The following NOTCH2 variants were observed in gnomAD, a reference collection of about 807,000 sequenced individuals.
NOTCH2 encodes the protein neurogenic locus notch homolog protein 2.
Under a neutral mutation model 235.8 loss-of-function variants are expected in NOTCH2, and 29 were observed. The ratio of observed to expected loss-of-function variants is 0.12; its 90% CI spans 0.09 to 0.17. NOTCH2 has a LOEUF of 0.17. NOTCH2 is among the 10% of genes least tolerant of loss of function. The pLI is 1.00. For missense variants in NOTCH2, 2,285 were observed against 3,150.2 expected (o/e 0.73, Z 6.57); for synonymous variants, 1,086 against 1,141.5 (o/e 0.95, Z 0.98).
Position 119,922,115 on chromosome 1 carries a change from T to G in NOTCH2, c.5213+121A>C, listed in dbSNP as rs1023695885. ...TCAGTCACTCACAAGGCATTTAGAATCATGGTCAATGTGAGTAAATGCCCA... is the reference window on the plus strand; with the variant it reads ...TCAGTCACTCACAAGGCATTTAGAAGCATGGTCAATGTGAGTAAATGCCCA... On this transcript the variant is annotated intron_variant, in intron 28 of 33. Coordinates refer to ENST00000256646, the MANE Select transcript of NOTCH2 (RefSeq NM_024408.4). The G allele has an allele frequency of 3.6e-6, 4 of 1,124,954 alleles. No individual in the cohort carries two copies. In the Admixed American group the frequency reaches 7.8e-5, roughly 22 times the overall value. The allele number at this position is 1,124,954 out of a possible 1,614,324, so 69.7% of individuals were successfully genotyped here.
intron 5 of NOTCH2, among the ~76,000 whole-genome samples, chr1:119,974,575 A>G (rs1651488767): frequency 6.7e-6 from 1 of 149,162 alleles, no homozygotes. Context: ...AATATACTCA[A>G]ATCTACACCT....
At chr1:119,970,736 C>T (rs1019938932) in intron 5 of NOTCH2, among the ~76,000 whole-genome samples, 2 of 152,120 alleles carry the variant, frequency 1.3e-5, no homozygotes, top group African/African-American at 4.8e-5. Flanking sequence ...ATCATATGAG[C>T]TATAAAATAA....
chr1:119,916,010 C>A lies in NOTCH2; in HGVS notation c.6712G>T (p.Ala2238Ser), dbSNP rs1327860375. ...HHIVSPGSGS[A>S]GSLSRLHPVP... ...GGATGGAGCCTACTCAAGCTTCCAG[C>A]ACTGCCACTGCCTGGAGACACAATG... The change falls in exon 34 of 34, where the codon GCT becomes TCT. Residue 2238 changes from alanine to serine, a missense_variant. Around this residue, in one of 6 missense-constraint regions of NOTCH2, gnomAD observed 504 missense variants for 538.0 expected, o/e 0.94. Transcript: ENST00000256646. The A allele has an allele frequency of 6.2e-7, 1 of 1,613,810 alleles. No individual in the cohort carries two copies. Among genetic ancestry groups the A allele is most frequent in the Admixed American group, 1.7e-5 (1 of 60,026 alleles).
intron 29 of NOTCH2, among the ~76,000 whole-genome samples, 195 bp from the exon 30 acceptor site, chr1:119,920,592 G>C (rs1306696700): frequency 6.6e-6 from 1 of 152,040 alleles, no homozygotes; most frequent in Non-Finnish European, 1.5e-5. Context: ...TACCTTTCCT[G>C]CATCATCTAG....
In NOTCH2 at chr1:120,027,723, C is replaced by T. The variant is rs587651009; in HGVS notation, c.155+2183G>A. ...CTCCCACTTATGAGTGAGAACATGCCGTGTTTGGTTTTCTGTTCCTGTGTT... is the reference window on the plus strand; with the variant it reads ...CTCCCACTTATGAGTGAGAACATGCTGTGTTTGGTTTTCTGTTCCTGTGTT... On this transcript the variant is annotated intron_variant, in intron 2 of 33. Coordinates refer to ENST00000256646, the MANE Select transcript of NOTCH2 (RefSeq NM_024408.4). Among the ~76,000 whole-genome samples the T allele has an allele frequency of 2.8e-4, 43 of 151,558 alleles. No homozygotes were observed. The East Asian group carries it at 7.2e-3, about 25-fold the overall frequency.
intron 22 of NOTCH2, among the ~76,000 whole-genome samples, chr1:119,930,639 T>C (rs1553194966): frequency 1.3e-5 from 2 of 150,906 alleles, no homozygotes; most frequent in Non-Finnish European, 2.9e-5. Context: ...ATTAGCTGCG[T>C]GTGGTGGTAC....
chr1:119,952,135 T>C (rs587664162), intron 14 of NOTCH2, among the ~76,000 whole-genome samples: 5 of 152,290 alleles, frequency 3.3e-5, no homozygotes, highest in East Asian at 3.9e-4. Context: ...ACGGCTCTCT[T>C]TTGTGAGTTT....
intron 3 of NOTCH2, among the ~76,000 whole-genome samples, chr1:120,001,590 C>CA (rs1439919541): frequency 6.6e-6 from 1 of 151,968 alleles, no homozygotes; most frequent in East Asian, 1.9e-4. Context: ...CACTATTCCT[C>CA]AGGGTGATCA....
intron 23 of NOTCH2, among the ~76,000 whole-genome samples, chr1:119,927,405 C>T (rs754514751): frequency 2.3e-4 from 35 of 152,190 alleles, no homozygotes; most frequent in South Asian, 2.1e-4. Flanking sequence ...CTTCAAATCA[C>T]AGCAGCAGCC....
intron 23 of NOTCH2, among the ~76,000 whole-genome samples, chr1:119,928,519 A>G (rs1170876649): frequency 2.6e-5 from 4 of 152,210 alleles, no homozygotes; most frequent in Admixed American, 2.6e-4. Flanking sequence ...TCCTTAAAAC[A>G]AAATGTTATT....
At chr1:120,009,698 A>T (rs1181116574) in intron 2 of NOTCH2, among the ~76,000 whole-genome samples, 3 of 149,952 alleles carry the variant, frequency 2.0e-5, no homozygotes, top group Non-Finnish European at 4.4e-5. Flanking sequence ...TCTCTCTCCT[A>T]TAGGGAGAAT....
intron 5 of NOTCH2, among the ~76,000 whole-genome samples, chr1:119,974,498 A>C (rs72697250): frequency 6.6e-6 from 1 of 152,340 alleles, no homozygotes; most frequent in Non-Finnish European, 1.5e-5. Context: ...TCCTTGGCTG[A>C]TACCTTAAAC....
chr1:119,964,748 TAATA>T (rs1485780356), intron 10 of NOTCH2, among the ~76,000 whole-genome samples: 2 of 152,236 alleles, frequency 1.3e-5, no homozygotes, highest in Non-Finnish European at 2.9e-5. Flanking sequence ...AGCAGTCAGA[TAATA>T]AAGAAGTTCA....
chr1:120,058,309 G>C (rs1429672208), intron 1 of NOTCH2, among the ~76,000 whole-genome samples: 2 of 151,496 alleles, frequency 1.3e-5, no homozygotes, highest in East Asian at 1.9e-4. Context: ...TACGAGACCA[G>C]CCTGCCCAAC....
At chr1:119,969,994 A>G (rs370920045) in intron 5 of NOTCH2, among the ~76,000 whole-genome samples, 1 of 152,214 alleles carries the variant, frequency 6.6e-6, no homozygotes, top group Non-Finnish European at 1.5e-5. Flanking sequence ...GGTTTAGCCA[A>G]CTTATCAAAG....
chr1:120,004,051 CA>C (rs1197216827), intron 3 of NOTCH2, among the ~76,000 whole-genome samples: 4 of 150,134 alleles, frequency 2.7e-5, no homozygotes, highest in African/African-American at 9.7e-5. Context: ...ACATTGTAAG[CA>C]GGTGAGATTG....
intron 12 of NOTCH2, among the ~76,000 whole-genome samples, chr1:119,956,866 G>A (rs1650722182): frequency 1.3e-5 from 2 of 152,186 alleles, no homozygotes; most frequent in African/African-American, 2.4e-5. Flanking sequence ...ATTGACAGCT[G>A]TTCCATCAGG....
At chr1:119,950,680 G>A (rs1050128936) in intron 15 of NOTCH2, 44 bp downstream of exon 15, 10 of 1,275,834 alleles carry the variant, frequency 7.8e-6, no homozygotes, top group African/African-American at 1.5e-5. Flanking sequence ...ACAAAGCAAG[G>A]TCAAGTATCC....
intron 1 of NOTCH2, among the ~76,000 whole-genome samples, chr1:120,038,047 C>A (rs1570772843): frequency 6.6e-6 from 1 of 151,686 alleles, no homozygotes; most frequent in East Asian, 1.9e-4. Context: ...GAACTTATTG[C>A]AAAAAAAATT....
Sources: allele counts gnomAD v4.1 joint callset (sites outside exome capture counted in the v4.1 genomes callset), GRCh38; gene constraint gnomAD v4.1.1; regional missense constraint gnomAD v4.1.1; transcripts MANE v1.5; gene names NCBI Gene and HGNC (gene_info 2026-07-23, HGNC 2026-07-21).